Variants in SETBP1 observed in about 807,000 individuals in gnomAD.
SETBP1 encodes SET-binding protein.
SETBP1 carries 9 observed loss-of-function variants against 101.0 expected under a neutral mutation model. That is an observed-to-expected ratio of 0.09 (90% CI 0.05 to 0.16). SETBP1 has a LOEUF of 0.16. Among genes scored for constraint, SETBP1 ranks in the 10% least tolerant of loss-of-function variants. The pLI, the probability that SETBP1 is intolerant of heterozygous loss-of-function variation, is 1.00. For synonymous variants in SETBP1, 818 were observed against 788.5 expected (o/e 1.04, Z -0.63); for missense variants, 1,858 against 2,033.8 (o/e 0.91, Z 1.66).
At chr18:44,930,919 T>C (rs1258889386) in intron 3 of SETBP1, among the ~76,000 whole-genome samples, 1 of 152,154 alleles carries the variant, frequency 6.6e-6, no homozygotes, top group African/African-American at 2.4e-5. Context: ...TTTGAAGAGT[T>C]TTTTGTGTCT....
intron 2 of SETBP1, among the ~76,000 whole-genome samples, chr18:44,842,680 G>T (rs1291931483): frequency 1.3e-5 from 2 of 152,254 alleles, no homozygotes. Flanking sequence ...TGCATGGATT[G>T]TTAGGGTTAG....
intron 2 of SETBP1, among the ~76,000 whole-genome samples, chr18:44,798,389 G>A (rs573318828): frequency 6.6e-6 from 1 of 152,032 alleles, no homozygotes; most frequent in South Asian, 2.1e-4. Context: ...GCCACACTGA[G>A]GTTAATTACA....
chr18:44,721,955 C>A (rs138584175), intron 2 of SETBP1, among the ~76,000 whole-genome samples: 5 of 152,310 alleles, frequency 3.3e-5, no homozygotes, highest in East Asian at 3.9e-4. Flanking sequence ...ATCTTTGTGG[C>A]TTCTGATAAT....
Position 45,040,385 on chromosome 18 carries a change from G to A in SETBP1, c.4171+1730G>A, listed in dbSNP as rs1006078743. On this transcript the variant is annotated intron_variant, in intron 5 of 5. Coordinates refer to ENST00000649279, the MANE Select transcript of SETBP1 (RefSeq NM_015559.3). ...GATCAAGTTGGGCAGAGTCTTGGAA[G>A]TGGGAACTGGTGCTGTGGCTGACTT... Among the ~76,000 whole-genome samples the A allele has an allele frequency of 3.9e-5, 6 of 152,184 alleles. 1 individual carries two copies. Among genetic ancestry groups the A allele is most frequent in the South Asian group, 4.1e-4 (2 of 4,832 alleles).
chr18:44,936,513 T>A (rs2070960776), intron 3 of SETBP1, among the ~76,000 whole-genome samples: 1 of 152,232 alleles, frequency 6.6e-6, no homozygotes, highest in Non-Finnish European at 1.5e-5. Flanking sequence ...GTAAGTCACA[T>A]AATTGAAAAT....
At chr18:44,844,697 A>G (rs919489460) in intron 2 of SETBP1, among the ~76,000 whole-genome samples, 2 of 151,892 alleles carry the variant, frequency 1.3e-5, no homozygotes, top group African/African-American at 2.4e-5. Flanking sequence ...AGGCTCAGAC[A>G]TGAATTAGGT....
At chr18:44,982,616 A>T (rs971361210) in intron 4 of SETBP1, among the ~76,000 whole-genome samples, 5 of 152,254 alleles carry the variant, frequency 3.3e-5, no homozygotes, top group Admixed American at 2.6e-4. Context: ...TCATCAACAT[A>T]GATAAATATA....
At chr18:45,016,865 C>CAGGTTTT (rs2072957136) in intron 4 of SETBP1, among the ~76,000 whole-genome samples, 1 of 148,966 alleles carries the variant, frequency 6.7e-6, no homozygotes, top group East Asian at 2.1e-4. Flanking sequence ...GTTTTCAGAG[C>CAGGTTTT]CGACTCTGGT....
chr18:44,967,183 G>A (rs1319018955), intron 4 of SETBP1, among the ~76,000 whole-genome samples: 3 of 152,174 alleles, frequency 2.0e-5, no homozygotes, highest in Non-Finnish European at 4.4e-5. Flanking sequence ...TAAGGTGTCA[G>A]GATTATACCG....
intron 2 of SETBP1, among the ~76,000 whole-genome samples, chr18:44,726,638 G>A (rs371240010): frequency 4.6e-4 from 70 of 152,292 alleles, no homozygotes; most frequent in African/African-American, 1.7e-3. Flanking sequence ...GTCATAAACT[G>A]TAATAATATT....
At chr18:44,875,796 C>T (rs569958522) in intron 3 of SETBP1, among the ~76,000 whole-genome samples, 75 of 152,284 alleles carry the variant, frequency 4.9e-4, no homozygotes, top group African/African-American at 1.7e-3. Flanking sequence ...CACAGAGGCA[C>T]GGGGAAGTTA....
At chr18:44,772,255 T>C (rs1370407578) in intron 2 of SETBP1, among the ~76,000 whole-genome samples, 1 of 152,224 alleles carries the variant, frequency 6.6e-6, no homozygotes, top group Non-Finnish European at 1.5e-5. Flanking sequence ...ATCGTGTGAC[T>C]GTAAAATTAT....
intron 2 of SETBP1, among the ~76,000 whole-genome samples, chr18:44,792,531 G>A (rs1443322854): frequency 1.3e-5 from 2 of 152,242 alleles, no homozygotes. Flanking sequence ...GTAGTTGCCA[G>A]AGCTGGCATG....
chr18:44,709,652 C>T (rs1391248418), intron 2 of SETBP1, among the ~76,000 whole-genome samples: 2 of 152,084 alleles, frequency 1.3e-5, no homozygotes, highest in Admixed American at 6.5e-5. Flanking sequence ...TCCATAGGAG[C>T]TTCCTTAGTT....
chr18:44,714,764 T>C (rs1568105262), intron 2 of SETBP1, among the ~76,000 whole-genome samples: 1 of 151,888 alleles, frequency 6.6e-6, no homozygotes, highest in Admixed American at 6.6e-5. Flanking sequence ...TGCTAAGAAG[T>C]ATTGATCTCA....
At chr18:44,796,298 T>A (rs901764710) in intron 2 of SETBP1, among the ~76,000 whole-genome samples, 2 of 152,204 alleles carry the variant, frequency 1.3e-5, no homozygotes, top group Non-Finnish European at 2.9e-5. Context: ...AAAAGAATTA[T>A]ATATATGACT....
chr18:44,735,095 A>G (rs370563757), intron 2 of SETBP1, among the ~76,000 whole-genome samples: 1 of 152,344 alleles, frequency 6.6e-6, no homozygotes, highest in East Asian at 1.9e-4. Context: ...GCCACACCTC[A>G]ATGATGTTTC....
At chr18:44,939,771 A>C (rs1380216190) in intron 3 of SETBP1, among the ~76,000 whole-genome samples, 1 of 152,152 alleles carries the variant, frequency 6.6e-6, no homozygotes, top group Non-Finnish European at 1.5e-5. Flanking sequence ...ATGGTATCTG[A>C]TTGTGGTTTT....
At chr18:44,876,501 G>A in intron 3 of SETBP1, 2 of 1,146,070 alleles carry the variant, frequency 1.7e-6, no homozygotes, top group Non-Finnish European at 2.6e-6. Context: ...TGGTCTGGGT[G>A]GGGTCTGGAT....
Sources: gnomAD v4.1 joint callset for allele counts (sites outside exome capture counted in the v4.1 genomes callset) on GRCh38, gnomAD v4.1.1 for gene constraint, MANE v1.5 for transcripts, NCBI Gene and HGNC (gene_info 2026-07-23, HGNC 2026-07-21) for gene names.